The following SEPTIN9 variants were observed in gnomAD, a reference collection of about 807,000 sequenced individuals.
SEPTIN9 encodes septin-9.
SEPTIN9 carries 13 observed loss-of-function variants against 56.6 expected under a neutral mutation model. The ratio of observed to expected loss-of-function variants is 0.23; its 90% CI spans 0.15 to 0.37. SEPTIN9 has a LOEUF of 0.37. SEPTIN9 is among the 10% of genes least tolerant of loss of function. The pLI is 1.00. For synonymous variants in SEPTIN9, 332 were observed against 334.1 expected, an observed-to-expected ratio of 0.99 and a Z score of 0.07; for missense variants, 650 against 823.1, an observed-to-expected ratio of 0.79 and a Z score of 2.57.
intron 4 of SEPTIN9, among the ~76,000 whole-genome samples, chr17:77,485,536 GTGATGA>G (rs150630793): frequency 6.6e-6 from 1 of 151,820 alleles, no homozygotes; most frequent in African/African-American, 2.4e-5. Flanking sequence ...GATGATAAGG[GTGATGA>G]TGATGGTGAT....
At chr17:77,413,419 G>A (rs748743871) in intron 3 of SEPTIN9, among the ~76,000 whole-genome samples, 14 of 151,954 alleles carry the variant, frequency 9.2e-5, no homozygotes, top group Non-Finnish European at 1.5e-4. Context: ...TTTAAAATCC[G>A]TCAGCTTATT....
intron 3 of SEPTIN9, among the ~76,000 whole-genome samples, chr17:77,439,747 C>G (rs1317622775): frequency 6.6e-6 from 1 of 152,212 alleles, no homozygotes; most frequent in Non-Finnish European, 1.5e-5. Context: ...CCCCTCCTTT[C>G]GGGCATCCTG....
In SEPTIN9 at chr17:77,318,175, T is replaced by G. The variant is rs2032775644; in HGVS notation, c.76+10978T>G. Among the ~76,000 whole-genome samples, 1 of 152,198 alleles carries G rather than the reference T, an allele frequency of 6.6e-6. No individual in the cohort carries two copies. The highest frequency in any genetic ancestry group is 1.9e-4 in the East Asian group (1 of 5,172). ...AACCGATCCCAGGTGCCAAAAAGGT[T>G]GGGGGCCACTGCCTTCATCGCCTGC... On this transcript the variant is annotated intron_variant, in intron 2 of 11. Coordinates refer to ENST00000427177, the MANE Select transcript of SEPTIN9 (RefSeq NM_001113491.2). The surrounding 1 kb of genome is among the most constrained non-coding windows in gnomAD (Gnocchi z 4.9).
At position 77,319,524 on chromosome 17, in the gene SEPTIN9, C is replaced by T. The variant is rs2032826439; in HGVS notation, c.76+12327C>T. The stretch of plus-strand genomic sequence containing the variant: ...GGGCGGGGACGGCAACTGCCTCTGT[C>T]ACTGCAGACTAATGGGACGGAGGGG... On this transcript the variant is annotated intron_variant, in intron 2 of 11. Transcript: ENST00000427177. The surrounding 1 kb of genome is among the most constrained non-coding windows in gnomAD (Gnocchi z 5.3). 1 of 1,045,864 alleles carries T rather than the reference C, an allele frequency of 9.6e-7. No individual in the cohort carries two copies. The highest frequency in any genetic ancestry group is 1.2e-6 in the Non-Finnish European group (1 of 867,092). The allele number at this position is 1,045,864 out of a possible 1,614,324, so 64.8% of individuals were successfully genotyped here.
chr17:77,444,136 C>T (rs1238876302), intron 3 of SEPTIN9, among the ~76,000 whole-genome samples: 3 of 152,126 alleles, frequency 2.0e-5, no homozygotes, highest in African/African-American at 4.8e-5. Context: ...GGCTGAAGAG[C>T]GTAGGCTCCT....
intron 3 of SEPTIN9, among the ~76,000 whole-genome samples, chr17:77,403,583 C>T (rs2035973642): frequency 6.6e-6 from 1 of 152,100 alleles, no homozygotes; most frequent in Non-Finnish European, 1.5e-5. Flanking sequence ...CCCCCTGGCC[C>T]CAGCAGGGAT....
At chr17:77,496,031 CTTT>C (rs534634574) in intron 10 of SEPTIN9, among the ~76,000 whole-genome samples, 6 of 140,190 alleles carry the variant, frequency 4.3e-5, no homozygotes, top group Admixed American at 1.4e-4. Flanking sequence ...TTTTCTTTTT[CTTT>C]TTTTTTTTTT....
chr17:77,397,352 C>T (rs559847495), intron 2 of SEPTIN9, among the ~76,000 whole-genome samples: 1 of 152,236 alleles, frequency 6.6e-6, no homozygotes, highest in East Asian at 1.9e-4. Flanking sequence ...GTCCCAAGTC[C>T]CCTTCTGCCT....
chr17:77,376,674 A>G (rs527298614), intron 2 of SEPTIN9: 3 of 152,670 alleles, frequency 2.0e-5, no homozygotes, highest in African/African-American at 7.2e-5. Context: ...TAGTGGCAGT[A>G]TACAGGGTAG....
At chr17:77,454,128 C>A (rs1362943377) in intron 3 of SEPTIN9, 1 of 985,820 alleles carries the variant, frequency 1.0e-6, no homozygotes, top group East Asian at 1.1e-4. Flanking sequence ...GGGGGCTCCT[C>A]CCCGCCGGCC....
rs778340037 is a variant in SEPTIN9, at chr17:77,482,200, G to A, written c.778G>A (p.Gly260Arg). 5 of 1,610,666 alleles carry A rather than the reference G, an allele frequency of 3.1e-6. No individual in the cohort carries two copies. The highest frequency in any genetic ancestry group is 1.7e-5 in the Admixed American group (1 of 59,634). Residue 260 changes from glycine (G) to arginine (R), a missense_variant, in exon 4 of 12, where the codon GGG becomes AGG. Coordinates refer to ENST00000427177, the MANE Select transcript of SEPTIN9 (RefSeq NM_001113491.2). ...CATGGCCGACACCCCCAGAGATGCC[G>A]GGCTCAAGCAGGCGCCTGCATCACG... The part of the protein sequence containing the change: ...GDMADTPRDA[G>R]LKQAPASRNE...
chr17:77,348,445 G>A (rs1292025850), intron 2 of SEPTIN9, among the ~76,000 whole-genome samples: 3 of 151,614 alleles, frequency 2.0e-5, no homozygotes, highest in African/African-American at 7.3e-5. Flanking sequence ...GATTACAGAC[G>A]CCTGCCACCA....
At chr17:77,286,247 T>C in intron 1 of SEPTIN9, 1 of 152,370 alleles carries the variant, frequency 6.6e-6, no homozygotes, top group Non-Finnish European at 1.5e-5. Flanking sequence ...TAGAAAGGCA[T>C]GCCCAGGCAG....
intron 3 of SEPTIN9, among the ~76,000 whole-genome samples, chr17:77,423,614 C>T (rs2036783029): frequency 6.6e-6 from 1 of 152,248 alleles, no homozygotes; most frequent in Non-Finnish European, 1.5e-5. Context: ...GATCCTAGCA[C>T]CCTCGATCTC....
intron 4 of SEPTIN9, chr17:77,482,558 G>A (rs1271594766): frequency 7.2e-6 from 5 of 698,060 alleles, no homozygotes; most frequent in South Asian, 4.4e-5. Context: ...CACATCCAGG[G>A]CCCCTGAGAT....
intron 1 of SEPTIN9, among the ~76,000 whole-genome samples, chr17:77,299,559 A>T (rs949182872): frequency 2.0e-5 from 3 of 152,190 alleles, no homozygotes; most frequent in African/African-American, 7.2e-5. Flanking sequence ...AAGCAGCAAG[A>T]TCCTTATCTC....
chr17:77,359,046 C>A (rs2034338343), intron 2 of SEPTIN9, among the ~76,000 whole-genome samples: 1 of 152,178 alleles, frequency 6.6e-6, no homozygotes, highest in African/African-American at 2.4e-5. Context: ...GCACTCCAGC[C>A]AGAGGGAAGG....
At chr17:77,426,091 G>GC (rs1035014699) in intron 3 of SEPTIN9, among the ~76,000 whole-genome samples, 7 of 152,186 alleles carry the variant, frequency 4.6e-5, no homozygotes, top group Non-Finnish European at 8.8e-5. Flanking sequence ...ATGCAGCCAG[G>GC]CCCCCAGGCC....
At chr17:77,426,470 G>A (rs1454238111) in intron 3 of SEPTIN9, among the ~76,000 whole-genome samples, 2 of 152,082 alleles carry the variant, frequency 1.3e-5, no homozygotes, top group Admixed American at 6.5e-5. Flanking sequence ...TGCTTGGGGC[G>A]CTGACTCATC....
Sources: gnomAD v4.1 joint callset for allele counts (sites outside exome capture counted in the v4.1 genomes callset) on GRCh38, gnomAD v4.1.1 for gene constraint, Gnocchi (gnomAD v3.1) non-coding constraint, MANE v1.5 for transcripts, NCBI Gene and HGNC (gene_info 2026-07-23, HGNC 2026-07-21) for gene names.